Variants in TUBGCP6 observed in about 807,000 individuals in gnomAD.
The protein encoded by TUBGCP6 is tubulin gamma complex component 6.
A neutral mutation model predicts 175.8 loss-of-function variants in TUBGCP6; 161 were observed. The ratio of observed to expected loss-of-function variants is 0.92; its 90% CI spans 0.81 to 1.04. The LOEUF (loss-of-function observed/expected upper bound fraction) is 1.04, where lower values mean the gene tolerates loss of function less well. Ranked by LOEUF, TUBGCP6 falls within the 50% of genes least tolerant of loss-of-function variation. The pLI is 0.00. For missense variants in TUBGCP6, 2,572 were observed against 2,433.0 expected (o/e 1.06, Z -1.20); for synonymous variants, 1,173 against 1,030.5 (o/e 1.14, Z -2.65).
intron 3 of TUBGCP6, 71 bp downstream of exon 3, chr22:50,233,245 A>G: frequency 2.6e-6 from 4 of 1,538,132 alleles, no homozygotes; most frequent in Non-Finnish European, 3.5e-6. Flanking sequence ...TGCCCCATAA[A>G]GGGCTGGGCA....
chr22:50,219,150 G>A lies in TUBGCP6; in HGVS notation c.4544C>T (p.Ala1515Val), dbSNP rs371309046. ...DYFFVELHLE[A>V]HYEALRHFLL... is the part of the protein sequence containing the mutation. ...GAAGTGCCGCAGTGCCTCATAGTGC[G>A]CCTCCAGGTGCAGCTCCACGAAGAA... Residue 1515 changes from alanine to valine, a missense_variant, in exon 20 of 25, where the codon GCG (alanine) becomes GTG (valine). Ala to Val is a moderately conservative substitution (Grantham distance 64). Coordinates refer to ENST00000248846, the MANE Select transcript of TUBGCP6 (RefSeq NM_020461.4). The A allele has an allele frequency of 5.2e-5, 84 of 1,612,776 alleles. No individual in the cohort carries two copies. In the East Asian group the frequency reaches 5.3e-4, roughly 10 times the overall value.
Position 50,220,649 on chromosome 22 carries a change from G to A in TUBGCP6, c.3710C>T (p.Ser1237Leu), listed in dbSNP as rs1445574883. The A allele has an allele frequency of 6.2e-7, 1 of 1,610,848 alleles. No individual in the cohort carries two copies. The highest frequency in any genetic ancestry group is 8.5e-7 in the Non-Finnish European group (1 of 1,179,698). The change falls in exon 16 of 25, where the codon TCA becomes TTA. Residue 1237 changes from serine (S) to leucine (L), a missense_variant. Ser to Leu is a moderately radical substitution (Grantham distance 145). Transcript: ENST00000248846. ...CACGTGTCCATGGGTGTTGCACCGTGACCGGATGGGAGCCACGTCCGATAC... is the reference window on the plus strand; with the variant it reads ...CACGTGTCCATGGGTGTTGCACCGTAACCGGATGGGAGCCACGTCCGATAC... ...ENVSDVAPIR[S>L]RCNTHGHVSD...
chr22:50,239,771 C>A (rs569762221), intron 2 of TUBGCP6, among the ~76,000 whole-genome samples: 12 of 152,346 alleles, frequency 7.9e-5, no homozygotes, highest in African/African-American at 2.9e-4. Flanking sequence ...TTCATCAGCA[C>A]CCCATGCCCA....
In TUBGCP6 at chr22:50,218,124, G is replaced by A. The variant is rs1428976850; in HGVS notation, c.5169-7C>T. 1.9e-6 allele frequency: 3 copies of A among 1,611,704 alleles called. 1 individual carries two copies. In the South Asian group the frequency reaches 3.3e-5, roughly 18 times the overall value. On this transcript the variant is annotated splice_region_variant and splice_polypyrimidine_tract_variant and intron_variant, in intron 23 of 24. Transcript: ENST00000248846. ...CTTCTCCGTGAGCAGGCCCCTGGGG[G>A]GAAGCAGTGCTGCTGGGTGGGCTGA...
At position 50,221,581 on chromosome 22, in the gene TUBGCP6, G is replaced by C. The variant is rs2064524417; in HGVS notation, c.2778C>G (p.Asn926Lys). Residue 926 changes from asparagine (N) to lysine (K), a missense_variant, in exon 16 of 25, where the codon AAC becomes AAG. Coordinates refer to ENST00000248846, the MANE Select transcript of TUBGCP6 (RefSeq NM_020461.4). ...PLLEVALQTI[N>K]LDLPPSAPGE... ...CAGGAGCTGAGGGGGGCAGGTCCAAGTTAATGGTCTGCAGCGCCACCTCCA... is the reference window on the plus strand; with the variant it reads ...CAGGAGCTGAGGGGGGCAGGTCCAACTTAATGGTCTGCAGCGCCACCTCCA... The C allele has an allele frequency of 1.9e-6, 3 of 1,581,800 alleles. No individual in the cohort carries two copies. The highest frequency in any genetic ancestry group is 2.6e-6 in the Non-Finnish European group (3 of 1,161,888).
intron 2 of TUBGCP6, among the ~76,000 whole-genome samples, chr22:50,233,728 C>G (rs543140991): frequency 6.6e-6 from 1 of 152,112 alleles, no homozygotes; most frequent in Non-Finnish European, 1.5e-5. Flanking sequence ...CCAGCACGAT[C>G]GATTCTATCA....
chr22:50,218,127 A>C lies in TUBGCP6; in HGVS notation c.5169-10T>G. 6.2e-7 allele frequency: 1 copy of C among 1,611,650 alleles called. No individual in the cohort carries two copies. ...CTCCGTGAGCAGGCCCCTGGGGGGAAGCAGTGCTGCTGGGTGGGCTGAGCC... is the reference window on the plus strand; with the variant it reads ...CTCCGTGAGCAGGCCCCTGGGGGGACGCAGTGCTGCTGGGTGGGCTGAGCC... On this transcript the variant is annotated splice_polypyrimidine_tract_variant and intron_variant, in intron 23 of 24. Transcript: ENST00000248846.
In TUBGCP6 at chr22:50,226,987, C is replaced by G. The variant is rs367968355; in HGVS notation, c.1491+12G>C. ...ACCAGGCTGACACACTCGGCAGGGA[C>G]GCACAACTCACGGTGGGAAACGCGG... is the stretch of plus-strand genomic sequence containing the variant. On this transcript the variant is annotated intron_variant, in intron 6 of 24. Coordinates refer to ENST00000248846, the MANE Select transcript of TUBGCP6 (RefSeq NM_020461.4). The G allele has an allele frequency of 4.3e-6, 7 of 1,610,192 alleles. No homozygotes were observed. Among genetic ancestry groups the G allele is most frequent in the South Asian group, 2.2e-5 (2 of 90,426 alleles).
rs1171829228 is a variant in TUBGCP6, at chr22:50,226,064, G to A, written c.1819C>T (p.Leu607Phe). ...CCCCTCCTCACCCGGGGGCAGCAGA[G>A]CTTCAGCAGGTTAATGGTCTTTCCG... ...VCGKTINLLK[L>F]CCPRHYLCWS... is the part of the protein sequence containing the mutation. The change falls in exon 9 of 25, where the codon CTC (leucine) becomes TTC (phenylalanine). Residue 607 changes from leucine (L) to phenylalanine (F), a missense_variant. Coordinates refer to ENST00000248846, the MANE Select transcript of TUBGCP6 (RefSeq NM_020461.4). 1 of 1,614,168 alleles carries A rather than the reference G, an allele frequency of 6.2e-7. No homozygotes were observed. The highest frequency in any genetic ancestry group is 8.5e-7 in the Non-Finnish European group (1 of 1,180,044).
chr22:50,224,643 AC>A, intron 10 of TUBGCP6, 51 bp from the exon 11 acceptor site: 1 of 1,590,922 alleles, frequency 6.3e-7, no homozygotes, highest in Non-Finnish European at 8.6e-7. Flanking sequence ...GCAGTGGCTC[AC>A]GCCTGTAATC....
At chr22:50,239,516 AAGAT>A (rs1404698064) in intron 2 of TUBGCP6, among the ~76,000 whole-genome samples, 1 of 152,156 alleles carries the variant, frequency 6.6e-6, no homozygotes, top group Non-Finnish European at 1.5e-5. Flanking sequence ...GAGTTATCAA[AAGAT>A]ACCACCACAT....
intron 15 of TUBGCP6, 53 bp from the exon 16 acceptor site, chr22:50,221,927 C>G: frequency 6.4e-7 from 1 of 1,561,394 alleles, no homozygotes; most frequent in Non-Finnish European, 8.7e-7. Flanking sequence ...CCCCAGCCCT[C>G]GAACTGTCCC....
At chr22:50,240,019 G>T in intron 2 of TUBGCP6, 185 bp downstream of exon 2, 1 of 789,912 alleles carries the variant, frequency 1.3e-6, no homozygotes, top group Non-Finnish European at 2.0e-6. Context: ...AAGGCTGTTA[G>T]TGCTTTCCCC....
chr22:50,221,843 C>T lies in TUBGCP6; in HGVS notation c.2516G>A (p.Gly839Glu). ...AGACCCAGAATCACAGCCTTGGCCTCCCTCTGGGTGCTCAGGGCCCGGAGA... is the reference window on the plus strand; with the variant it reads ...AGACCCAGAATCACAGCCTTGGCCTTCCTCTGGGTGCTCAGGGCCCGGAGA... ...VTSPGPEHPE[G>E]GQGCDSGSAE... The change falls in exon 16 of 25, where the codon GGA becomes GAA. Residue 839 changes from glycine (G) to glutamate (E), a missense_variant. By Grantham distance (98) the Gly-to-Glu change is moderately conservative. Coordinates refer to ENST00000248846, the MANE Select transcript of TUBGCP6 (RefSeq NM_020461.4). The T allele has an allele frequency of 6.6e-7, 1 of 1,512,890 alleles. No homozygotes were observed. Among genetic ancestry groups the T allele is most frequent in the Non-Finnish European group, 8.8e-7 (1 of 1,131,010 alleles). 93.7% of individuals were successfully genotyped at this position (1,512,890 alleles called of 1,614,324 possible). A position where few individuals can be genotyped will look rare whatever the true frequency, so the allele number is the denominator to read the frequency against.
Position 50,220,312 on chromosome 22 carries a change from G to T in TUBGCP6, c.4047C>A (p.Asp1349Glu), listed in dbSNP as rs372533743. 8.9e-6 allele frequency: 14 copies of T among 1,574,658 alleles called. No individual in the cohort carries two copies. Among genetic ancestry groups the T allele is most frequent in the Non-Finnish European group, 1.2e-5 (14 of 1,155,724 alleles). ...GCCACCATGGTTGGGTGGGAGCCACGTCTGACACGTTCTCCCCCACGCTGA... is the reference window on the plus strand; with the variant it reads ...GCCACCATGGTTGGGTGGGAGCCACTTCTGACACGTTCTCCCCCACGCTGA... The part of the protein sequence containing the change: ...GSISVGENVS[D>E]VAPTQPWWPN... The change falls in exon 16 of 25, where the codon GAC (aspartate) becomes GAA (glutamate). Residue 1349 changes from aspartate to glutamate, a missense_variant. Asp to Glu is a conservative substitution (Grantham distance 45). Coordinates refer to ENST00000248846, the MANE Select transcript of TUBGCP6 (RefSeq NM_020461.4).
At chr22:50,224,714 C>G in intron 10 of TUBGCP6, 122 bp from the exon 11 acceptor site, 1 of 932,280 alleles carries the variant, frequency 1.1e-6, no homozygotes, top group Non-Finnish European at 1.6e-6. Flanking sequence ...CAAGACCAGC[C>G]TGGACAACAT....
chr22:50,229,407 G>C lies in TUBGCP6; in HGVS notation c.1287C>G (p.Phe429Leu), dbSNP rs199690816. ...AACCATGAGGCAAAGGCCATACCTG[G>C]AACACGAGGCCCTTGCTGTACAAAG... Reference protein sequence around the residue: ...LDSLYSKGLVFQAFTSGLRRY... With the variant: ...LDSLYSKGLVLQAFTSGLRRY... Residue 429 changes from phenylalanine (F) to leucine (L), a missense_variant, in exon 4 of 25, where the codon TTC becomes TTG. Physicochemically the swap from Phe to Leu is conservative, Grantham distance 22. Coordinates refer to ENST00000248846, the MANE Select transcript of TUBGCP6 (RefSeq NM_020461.4). 179 of 1,613,380 alleles carry C rather than the reference G, an allele frequency of 1.1e-4. No individual in the cohort carries two copies. Among genetic ancestry groups the C allele is most frequent in the Middle Eastern group, 1.7e-4 (1 of 6,060 alleles).
In TUBGCP6 at chr22:50,225,847, C is replaced by T. The variant is rs781130101; in HGVS notation, c.1930G>A (p.Val644Ile). 2.0e-5 allele frequency: 32 copies of T among 1,613,758 alleles called. No individual in the cohort carries two copies. The highest frequency in any genetic ancestry group is 3.3e-4 in the Middle Eastern group (2 of 6,084). Residue 644 changes from valine to isoleucine, a missense_variant, in exon 10 of 25, where the codon GTT becomes ATT. Coordinates refer to ENST00000248846, the MANE Select transcript of TUBGCP6 (RefSeq NM_020461.4). ...KEIEKDCAVY[V>I]GRMERVARHS... ...CGGGCCACCCTCTCCATGCGCCCAA[C>T]GTAGACGGCACAGTCCTTCTCAATC...
In TUBGCP6 at chr22:50,235,220, T is replaced by G. The variant is rs966640975; in HGVS notation, c.906-1694A>C. Reference sequence around the variant, plus strand: ...ATCCACATCCCTGTCCACGGCAGCATCATCCACACTCCTGTCCATGGCAGC... The same window carrying G: ...ATCCACATCCCTGTCCACGGCAGCAGCATCCACACTCCTGTCCATGGCAGC... On this transcript the variant is annotated intron_variant, in intron 2 of 24. Transcript: ENST00000248846. 6.5e-4 allele frequency among the ~76,000 whole-genome samples: 10 copies of G among 15,498 alleles called. No individual in the cohort carries two copies. In the African/African-American group the frequency reaches 7.7e-3, roughly 12 times the overall value. 10.2% of individuals were successfully genotyped at this position (15,498 alleles called of 152,430 possible).
Sources: allele counts gnomAD v4.1 joint callset (sites outside exome capture counted in the v4.1 genomes callset), GRCh38; gene constraint gnomAD v4.1.1; transcripts MANE v1.5; gene names NCBI Gene and HGNC (gene_info 2026-07-23, HGNC 2026-07-21).